TTC7B: variants seen among roughly 807,000 people sequenced by gnomAD.
TTC7B encodes the protein tetratricopeptide repeat domain 7B, also known as tetratricopeptide repeat protein 7B.
TTC7B carries 28 observed loss-of-function variants against 106.8 expected under a neutral mutation model. The ratio of observed to expected loss-of-function variants is 0.26; its 90% CI spans 0.19 to 0.36. The LOEUF (loss-of-function observed/expected upper bound fraction) is 0.36. TTC7B is among the 10% of genes least tolerant of loss of function. The pLI is 1.00. For missense variants in TTC7B, 862 were observed against 1,076.4 expected, an observed-to-expected ratio of 0.80 and a Z score of 2.79; for synonymous variants, 405 against 430.6, an observed-to-expected ratio of 0.94 and a Z score of 0.74.
At chr14:90,639,474 T>G (rs1287146344) in intron 15 of TTC7B, among the ~76,000 whole-genome samples, 1 of 152,168 alleles carries the variant, frequency 6.6e-6, no homozygotes, top group Non-Finnish European at 1.5e-5. Flanking sequence ...ATGCGCAACT[T>G]AAACTCACAA....
chr14:90,680,053 A>G (rs749340101), intron 8 of TTC7B, among the ~76,000 whole-genome samples: 1 of 152,248 alleles, frequency 6.6e-6, no homozygotes, highest in Non-Finnish European at 1.5e-5. Flanking sequence ...CAAATGACTT[A>G]TCCCAAAATT....
chr14:90,608,068 CTGT>C lies in TTC7B; in HGVS notation c.1966+2671_1966+2673del, dbSNP rs566144896. Among the ~76,000 whole-genome samples, 1,061 of 152,026 alleles carry C rather than the reference CTGT, an allele frequency of 7.0e-3. 9 individuals carry two copies. Among genetic ancestry groups the C allele is most frequent in the Non-Finnish European group, 0.01 (696 of 67,976 alleles). ...AAATCAAGGTGAGGGAATAAACAAT[CTGT>C]GTTGTGGGTGGTTCGCAAGGCGGGC... On this transcript the variant is annotated intron_variant, in intron 17 of 19. Coordinates refer to ENST00000328459, the MANE Select transcript of TTC7B (RefSeq NM_001010854.2). The surrounding 1 kb of genome is among the most constrained non-coding windows in gnomAD (Gnocchi z 5.1).
chr14:90,573,724 C>T (rs944296054), intron 19 of TTC7B, among the ~76,000 whole-genome samples: 2 of 152,232 alleles, frequency 1.3e-5, no homozygotes, highest in Non-Finnish European at 2.9e-5. Context: ...ACTCCACTTG[C>T]TGTCCACTCC....
In TTC7B at chr14:90,644,203, TG is replaced by T; in HGVS notation, c.1595del (p.Pro532GlnfsTer38). 6.3e-7 allele frequency: 1 copy of T among 1,588,232 alleles called. No homozygotes were observed. The highest frequency in any genetic ancestry group is 8.5e-7 in the Non-Finnish European group (1 of 1,170,542). ...CTTGGCGGACATACCCCAGAGCCTCTGGGATCTGGTTTAAAACAAAACCAAA... is the reference window on the plus strand; with the variant it reads ...CTTGGCGGACATACCCCAGAGCCTCTGGATCTGGTTTAAAACAAAACCAAA... Reference protein sequence around the residue: ...ALQLAISRQIPEALGYVRQAL... With the variant: ...ALQLAISRQIXEALGYVRQAL... On this transcript the variant is annotated frameshift_variant, in exon 15 of 20. Coordinates refer to ENST00000328459, the MANE Select transcript of TTC7B (RefSeq NM_001010854.2). LOFTEE classifies it high-confidence loss of function.
intron 19 of TTC7B, among the ~76,000 whole-genome samples, chr14:90,554,953 C>G (rs551513246): frequency 6.7e-4 from 102 of 152,260 alleles, no homozygotes; most frequent in Non-Finnish European, 1.1e-3. Context: ...GGCGCAGGCT[C>G]CTAGCTCTCG....
rs1890337261 is a variant in TTC7B, at chr14:90,757,365, G to T, written c.446-12443C>A. Among the ~76,000 whole-genome samples the T allele has an allele frequency of 6.6e-6, 1 of 152,146 alleles. No homozygotes were observed. Among genetic ancestry groups the T allele is most frequent in the South Asian group, 2.1e-4 (1 of 4,832 alleles). ...AGGACAAGGTAGGAGTATCATTTGA[G>T]CCCAGGAGTTTGGGGCTGCAGGGAG... On this transcript the variant is annotated intron_variant, in intron 3 of 19. Transcript: ENST00000328459. This position sits in a 1 kb window ranked among gnomAD's most constrained non-coding sequence, Gnocchi z 4.1.
In TTC7B at chr14:90,760,240, CAGGGGTG is replaced by C; in HGVS notation, c.446-15325_446-15319del. ...AAACAGAGGTGGGGGGTTGGCCTGG[CAGGGGTG>C]AGGGCAGGTGGGCAAGGAGGCAGGC... is the stretch of plus-strand genomic sequence containing the variant. On this transcript the variant is annotated intron_variant, in intron 3 of 19. Coordinates refer to ENST00000328459, the MANE Select transcript of TTC7B (RefSeq NM_001010854.2). 2.6e-5 allele frequency among the ~76,000 whole-genome samples: 4 copies of C among 152,096 alleles called. No individual in the cohort carries two copies. The East Asian group carries it at 7.7e-4, about 29-fold the overall frequency.
rs60682312 is a variant in TTC7B, at chr14:90,600,976, C to T, written c.1967-7350G>A. 0.1 allele frequency among the ~76,000 whole-genome samples: 15,226 copies of T among 152,082 alleles called. 839 individuals are homozygous for T. The highest frequency in any genetic ancestry group is 0.11 in the Middle Eastern group (33 of 294). ...GAGCCTCCAAGTGCCTGACTGCCGG[C>T]GTCCTGGGGAAAGCCTCCCAGGTTG... On this transcript the variant is annotated intron_variant, in intron 17 of 19. Transcript: ENST00000328459. The surrounding 1 kb of genome is among the most constrained non-coding windows in gnomAD (Gnocchi z 4.3).
intron 5 of TTC7B, among the ~76,000 whole-genome samples, chr14:90,717,309 A>G (rs1888696527): frequency 6.6e-6 from 1 of 151,708 alleles, no homozygotes; most frequent in Non-Finnish European, 1.5e-5. Context: ...CCTGCACCCC[A>G]GCCTGGGCAA....
rs1180068700 is a variant in TTC7B at position 90,624,373 on chromosome 14, T to C, written c.1752-6328A>G. ...TCTGGGGCACGCGGCATTGTGACTG[T>C]CCAGTGTTCACCTCAGGAAATGAGT... is the stretch of plus-strand genomic sequence containing the variant. On this transcript the variant is annotated intron_variant, in intron 15 of 19. Coordinates refer to ENST00000328459, the MANE Select transcript of TTC7B (RefSeq NM_001010854.2). This position sits in a 1 kb window ranked among gnomAD's most constrained non-coding sequence, Gnocchi z 4.0. Among the ~76,000 whole-genome samples, 1 of 152,180 alleles carries C rather than the reference T, an allele frequency of 6.6e-6. No homozygotes were observed. Among genetic ancestry groups the C allele is most frequent in the African/African-American group, 2.4e-5 (1 of 41,450 alleles).
chr14:90,715,499 G>C (rs1407150894), intron 5 of TTC7B, among the ~76,000 whole-genome samples: 1 of 152,098 alleles, frequency 6.6e-6, no homozygotes, highest in Non-Finnish European at 1.5e-5. Context: ...CATAGTACTT[G>C]CTATGTGTAA....
chr14:90,562,171 C>T (rs1423897988), intron 19 of TTC7B, among the ~76,000 whole-genome samples: 3 of 152,144 alleles, frequency 2.0e-5, no homozygotes, highest in African/African-American at 7.2e-5. Context: ...CCAGGAAAAA[C>T]CCCGGTCAGC....
intron 4 of TTC7B, among the ~76,000 whole-genome samples, chr14:90,735,842 A>T (rs1349535003): frequency 6.6e-6 from 1 of 152,176 alleles, no homozygotes; most frequent in East Asian, 1.9e-4. Context: ...ACCAAATCCC[A>T]AAAGGATTTT....
chr14:90,720,629 T>C (rs188169667), intron 5 of TTC7B, among the ~76,000 whole-genome samples: 3 of 152,296 alleles, frequency 2.0e-5, no homozygotes, highest in East Asian at 3.9e-4. Flanking sequence ...GATAAGGTCT[T>C]ATATCAGCAA....
At chr14:90,605,338 A>T (rs1315819848) in intron 17 of TTC7B, among the ~76,000 whole-genome samples, 1 of 152,244 alleles carries the variant, frequency 6.6e-6, no homozygotes, top group Non-Finnish European at 1.5e-5. Flanking sequence ...GATTAGAGGC[A>T]ATATTCTAGA....
In TTC7B at chr14:90,556,128, C is replaced by T. The variant is rs980180759; in HGVS notation, c.2311-14539G>A. Among the ~76,000 whole-genome samples the T allele has an allele frequency of 1.9e-4, 29 of 152,248 alleles. 1 individual carries two copies. Among genetic ancestry groups the T allele is most frequent in the Non-Finnish European group, 5.9e-5 (4 of 68,048 alleles). ...GTCCCACGTAACATCAAAGGACAGTCAGCGAGAAAGGAAGGACAGGTCCAC... is the reference window on the plus strand; with the variant it reads ...GTCCCACGTAACATCAAAGGACAGTTAGCGAGAAAGGAAGGACAGGTCCAC... On this transcript the variant is annotated intron_variant, in intron 19 of 19. Coordinates refer to ENST00000328459, the MANE Select transcript of TTC7B (RefSeq NM_001010854.2).
intron 19 of TTC7B, among the ~76,000 whole-genome samples, chr14:90,569,165 G>A (rs1469785304): frequency 6.6e-6 from 1 of 152,174 alleles, no homozygotes; most frequent in Non-Finnish European, 1.5e-5. Flanking sequence ...AGAGGAGCCC[G>A]CCCTCCTTAA....
At chr14:90,567,481 CTCGG>C (rs2139791341) in intron 19 of TTC7B, 1 of 152,278 alleles carries the variant, frequency 6.6e-6, no homozygotes, top group East Asian at 1.9e-4. Flanking sequence ...CTGTCTGAGC[CTCGG>C]AGAACAATGA....
At chr14:90,765,475 A>G (rs763078656) in intron 3 of TTC7B, among the ~76,000 whole-genome samples, 1 of 152,238 alleles carries the variant, frequency 6.6e-6, no homozygotes, top group Non-Finnish European at 1.5e-5. Flanking sequence ...TATGAGTTAT[A>G]TATCAATAAA....
Sources: allele counts gnomAD v4.1 joint callset (sites outside exome capture counted in the v4.1 genomes callset), GRCh38; gene constraint gnomAD v4.1.1; non-coding constraint Gnocchi (gnomAD v3.1); transcripts MANE v1.5; gene names NCBI Gene and HGNC (gene_info 2026-07-23, HGNC 2026-07-21).